THSD7A: variants seen among roughly 807,000 people sequenced by gnomAD.
THSD7A encodes thrombospondin type 1 domain containing 7A.
In THSD7A, 96 loss-of-function variants were observed where a neutral mutation model predicts 231.3. That is an observed-to-expected ratio of 0.41 (90% CI 0.35 to 0.49). The LOEUF is 0.49. Ranked by LOEUF, THSD7A falls within the 20% of genes least tolerant of loss-of-function variation. The pLI is 0.05. For missense variants in THSD7A, 2,290 were observed against 2,070.2 expected (o/e 1.11, Z -2.06); for synonymous variants, 940 against 743.3 (o/e 1.26, Z -4.30).
intron 6 of THSD7A, among the ~76,000 whole-genome samples, chr7:11,508,232 A>G (rs927517727): frequency 6.6e-6 from 1 of 152,216 alleles, no homozygotes; most frequent in Non-Finnish European, 1.5e-5. Flanking sequence ...AGAACCAAAA[A>G]GAATAACTGC....
chr7:11,762,291 G>A (rs926396887), intron 1 of THSD7A, among the ~76,000 whole-genome samples: 1 of 152,110 alleles, frequency 6.6e-6, no homozygotes, highest in African/African-American at 2.4e-5. Flanking sequence ...TAATGATATT[G>A]TTAGTTATTT....
At chr7:11,450,530 A>T (rs1159116048) in intron 11 of THSD7A, among the ~76,000 whole-genome samples, 1 of 152,072 alleles carries the variant, frequency 6.6e-6, no homozygotes, top group East Asian at 1.9e-4. Flanking sequence ...AACACAATTC[A>T]AACACAGAAA....
At chr7:11,739,590 AT>A (rs199638565) in intron 1 of THSD7A, among the ~76,000 whole-genome samples, 7 of 150,706 alleles carry the variant, frequency 4.6e-5, no homozygotes, top group East Asian at 2.0e-4. Flanking sequence ...TTAAATTTGT[AT>A]TTTTTTTTAT....
Position 11,483,962 on chromosome 7 carries a change from A to G in THSD7A, c.1823-1980T>C, listed in dbSNP as rs572604034. On this transcript the variant is annotated intron_variant, in intron 6 of 27. Transcript: ENST00000423059. The stretch of plus-strand genomic sequence containing the variant: ...TGTTTGTTGTCATGTAAACCAAAGA[A>G]ATGTGCAATTTTGACCTTTCTTCTA... Among the ~76,000 whole-genome samples the G allele has an allele frequency of 3.3e-5, 5 of 152,230 alleles. No homozygotes were observed. In the South Asian group the frequency reaches 1.0e-3, roughly 32 times the overall value.
At chr7:11,647,248 G>C (rs73292652) in intron 1 of THSD7A, among the ~76,000 whole-genome samples, 15 of 152,002 alleles carry the variant, frequency 9.9e-5, no homozygotes, top group African/African-American at 3.4e-4. Context: ...TTTCCCTCTA[G>C]AACTACATCC....
In THSD7A at chr7:11,523,233, T is replaced by C. The variant is rs113030587; in HGVS notation, c.1822+18186A>G. Among the ~76,000 whole-genome samples the C allele has an allele frequency of 1.6e-3, 244 of 152,238 alleles. 2 individuals are homozygous for C. The highest frequency in any genetic ancestry group is 5.3e-3 in the African/African-American group (219 of 41,576). ...CATAAATAAAAATCTGGCTTCCTGA[T>C]TCTTGATCTCTAAAAATAAAAAGTC... On this transcript the variant is annotated intron_variant, in intron 6 of 27. Transcript: ENST00000423059.
intron 23 of THSD7A, among the ~76,000 whole-genome samples, chr7:11,393,345 C>T (rs1198726985): frequency 1.3e-5 from 2 of 152,176 alleles, no homozygotes; most frequent in Non-Finnish European, 2.9e-5. Flanking sequence ...GATGTCCACT[C>T]AGAGACCCCG....
At position 11,634,706 on chromosome 7, in the gene THSD7A, G is replaced by C. The variant is rs547203120; in HGVS notation, c.1022+1424C>G. On this transcript the variant is annotated intron_variant, in intron 2 of 27. Coordinates refer to ENST00000423059, the MANE Select transcript of THSD7A (RefSeq NM_015204.3). The surrounding 1 kb of genome is among the most constrained non-coding windows in gnomAD (Gnocchi z 4.1). ...AGGCCACAGGACCAGAACTAGAATG[G>C]AAAAAGGGCAAATTACCGTACAGCT... Among the ~76,000 whole-genome samples, 12 of 151,858 alleles carry C rather than the reference G, an allele frequency of 7.9e-5. No homozygotes were observed. Among genetic ancestry groups the C allele is most frequent in the Non-Finnish European group, 1.6e-4 (11 of 67,948 alleles).
chr7:11,643,235 G>A (rs765740548), intron 1 of THSD7A, among the ~76,000 whole-genome samples: 2 of 151,996 alleles, frequency 1.3e-5, no homozygotes, highest in Non-Finnish European at 2.9e-5. Context: ...TAAGATCAAG[G>A]AGTACATAAA....
In THSD7A at chr7:11,474,689, T is replaced by C. The variant is rs866898937; in HGVS notation, c.2018-121A>G. The C allele has an allele frequency of 2.8e-5, 21 of 748,032 alleles. No individual in the cohort carries two copies. The Middle Eastern group carries it at 5.0e-3, about 179-fold the overall frequency. The allele number at this position is 748,032 out of a possible 1,614,324, so 46.3% of individuals were successfully genotyped here. On this transcript the variant is annotated intron_variant, in intron 7 of 27. Transcript: ENST00000423059. The surrounding 1 kb of genome is among the most constrained non-coding windows in gnomAD (Gnocchi z 4.1). ...AGTGACTTTTCTTCCCCACATCAAG[T>C]TCATAAATACACGCAATATTTATGT...
At chr7:11,826,229 GAGAGAAAAT>G (rs1193940691) in intron 1 of THSD7A, among the ~76,000 whole-genome samples, 8 of 152,262 alleles carry the variant, frequency 5.3e-5, no homozygotes, top group African/African-American at 1.7e-4. Flanking sequence ...TATTCTCCTT[GAGAGAAAAT>G]GCATACCTGT....
chr7:11,750,105 A>T (rs1199631042), intron 1 of THSD7A, among the ~76,000 whole-genome samples: 2 of 151,574 alleles, frequency 1.3e-5, no homozygotes, highest in Non-Finnish European at 2.9e-5. Context: ...TAAAATTTAC[A>T]GGGAGCCACA....
rs182135204 is a variant in THSD7A, at chr7:11,623,439, G to T, written c.1022+12691C>A. ...CCCCCACTAATCCATATTATTCCTT[G>T]ATTAGAAGTCCTCCTTCCTTATTCA... On this transcript the variant is annotated intron_variant, in intron 2 of 27. Transcript: ENST00000423059. Among the ~76,000 whole-genome samples, 1,322 of 152,082 alleles carry T rather than the reference G, an allele frequency of 8.7e-3. 10 individuals carry two copies. The highest frequency in any genetic ancestry group is 0.013 in the Non-Finnish European group (909 of 67,954).
chr7:11,391,834 C>T (rs78403686), intron 23 of THSD7A, among the ~76,000 whole-genome samples: 1 of 152,032 alleles, frequency 6.6e-6, no homozygotes, highest in Non-Finnish European at 1.5e-5. Context: ...TTCACAGCTT[C>T]CCTTGGCTAG....
chr7:11,592,487 A>G (rs906006832), intron 3 of THSD7A, among the ~76,000 whole-genome samples: 7 of 152,208 alleles, frequency 4.6e-5, no homozygotes, highest in Non-Finnish European at 1.0e-4. Context: ...ATTCACAATG[A>G]TAACTTGGAA....
chr7:11,784,844 A>G (rs1783738327), intron 1 of THSD7A, among the ~76,000 whole-genome samples: 1 of 152,126 alleles, frequency 6.6e-6, no homozygotes, highest in African/African-American at 2.4e-5. Context: ...TCAAAATGCC[A>G]TAAATTCCGG....
intron 1 of THSD7A, among the ~76,000 whole-genome samples, chr7:11,758,087 T>C (rs1046454863): frequency 1.3e-5 from 2 of 150,620 alleles, no homozygotes; most frequent in Non-Finnish European, 3.0e-5. Context: ...AAGTGCATTA[T>C]CTTTAATTGG....
chr7:11,578,560 C>T (rs1584015766), intron 4 of THSD7A, among the ~76,000 whole-genome samples: 1 of 152,126 alleles, frequency 6.6e-6, no homozygotes, highest in East Asian at 1.9e-4. Flanking sequence ...TGCCCTCTCT[C>T]AGAAGCTTAA....
intron 1 of THSD7A, among the ~76,000 whole-genome samples, chr7:11,710,099 T>TAA (rs527947564): frequency 1.3e-5 from 2 of 150,544 alleles, no homozygotes; most frequent in South Asian, 2.1e-4. Flanking sequence ...TATTTTTTTT[T>TAA]AAAAAATGAG....
Sources: gnomAD v4.1 joint callset for allele counts (sites outside exome capture counted in the v4.1 genomes callset) on GRCh38, gnomAD v4.1.1 for gene constraint, Gnocchi (gnomAD v3.1) non-coding constraint, MANE v1.5 for transcripts, NCBI Gene and HGNC (gene_info 2026-07-23, HGNC 2026-07-21) for gene names.